Variants in CCDC73 observed in about 807,000 individuals in gnomAD.
CCDC73 encodes the protein coiled-coil domain-containing protein 73.
CCDC73 carries 95 observed loss-of-function variants against 116.5 expected under a neutral mutation model. The ratio of observed to expected loss-of-function variants is 0.82; its 90% confidence interval spans 0.69 to 0.97. The LOEUF (loss-of-function observed/expected upper bound fraction) is 0.97, where lower values mean the gene tolerates loss of function less well. CCDC73 is among the 50% of genes least tolerant of loss of function. CCDC73 has a pLI of 0.00. For missense variants in CCDC73, 1,066 were observed against 1,206.8 expected (o/e 0.88, Z 1.73); for synonymous variants, 398 against 401.3 (o/e 0.99, Z 0.10).
chr11:32,698,498 G>A (rs930806582), intron 6 of CCDC73, among the ~76,000 whole-genome samples: 1 of 152,198 alleles, frequency 6.6e-6, no homozygotes, highest in Non-Finnish European at 1.5e-5. Flanking sequence ...TGGAAAAGCT[G>A]TTTCATTATT....
chr11:32,779,943 T>C (rs886119704), intron 1 of CCDC73, among the ~76,000 whole-genome samples: 9 of 152,130 alleles, frequency 5.9e-5, no homozygotes, highest in Admixed American at 2.6e-4. Flanking sequence ...GGATTAAAAG[T>C]GAACACCTCA....
chr11:32,798,105 C>T (rs113122198), upstream of CCDC73, among the ~76,000 whole-genome samples: 1 of 152,190 alleles, frequency 6.6e-6, no homozygotes, highest in Admixed American at 6.5e-5. Flanking sequence ...GGGTCTCTAA[C>T]CCAACATATC....
chr11:32,766,129 C>T (rs1250964337), intron 1 of CCDC73, among the ~76,000 whole-genome samples: 1 of 152,150 alleles, frequency 6.6e-6, no homozygotes, highest in African/African-American at 2.4e-5. Context: ...GGGCTTCATC[C>T]CTGGAATGCA....
At chr11:32,657,005 C>A (rs1243771336) in intron 9 of CCDC73, among the ~76,000 whole-genome samples, 2 of 152,054 alleles carry the variant, frequency 1.3e-5, no homozygotes, top group East Asian at 3.9e-4. Context: ...AAAACAGGTA[C>A]TATCACATAG....
chr11:32,746,200 G>T (rs938801795), intron 2 of CCDC73, among the ~76,000 whole-genome samples: 6 of 152,182 alleles, frequency 3.9e-5, no homozygotes, highest in Non-Finnish European at 8.8e-5. Flanking sequence ...AGTTTGGCTG[G>T]ATATGAAATT....
At chr11:32,763,505 G>A (rs1850411007) in intron 1 of CCDC73, among the ~76,000 whole-genome samples, 1 of 152,230 alleles carries the variant, frequency 6.6e-6, no homozygotes, top group South Asian at 2.1e-4. Flanking sequence ...ACCTGAAAGG[G>A]TCTTGAGTGG....
chr11:32,725,447 C>T (rs1016175542), intron 2 of CCDC73, among the ~76,000 whole-genome samples: 2 of 152,090 alleles, frequency 1.3e-5, no homozygotes, highest in Admixed American at 6.6e-5. Context: ...TGGAACTTAT[C>T]CCCCACAAAA....
chr11:32,679,264 T>A (rs371230032), intron 7 of CCDC73, among the ~76,000 whole-genome samples: 1 of 152,200 alleles, frequency 6.6e-6, no homozygotes, highest in Admixed American at 6.5e-5. Context: ...AATTTCTGAT[T>A]GAGAGAATTA....
At chr11:32,683,899 G>A (rs1282178261) in intron 6 of CCDC73, among the ~76,000 whole-genome samples, 1 of 152,154 alleles carries the variant, frequency 6.6e-6, no homozygotes, top group Non-Finnish European at 1.5e-5. Context: ...GAGATAGAGA[G>A]AGCAGTCTAG....
At position 32,675,567 on chromosome 11, in the gene CCDC73, T is replaced by G; in HGVS notation, c.643A>C (p.Lys215Gln). The G allele has an allele frequency of 6.4e-7, 1 of 1,554,318 alleles. No homozygotes were observed. Among genetic ancestry groups the G allele is most frequent in the Non-Finnish European group, 8.8e-7 (1 of 1,139,990 alleles). Residue 215 changes from lysine to glutamine, a missense_variant and splice_region_variant, in exon 9 of 18, where the codon AAG (lysine) becomes CAG (glutamine). Coordinates refer to ENST00000335185, the MANE Select transcript of CCDC73 (RefSeq NM_001008391.4). ...KQEAEICSLKKELKKAASDLI... is the reference protein window; with the variant it reads ...KQEAEICSLKQELKKAASDLI... ...GTGTGAAACTGTATCAATCATACCT[T>G]CTTTAAACTGCATATTTCAGCTTCT... is the stretch of plus-strand genomic sequence containing the variant.
chr11:32,813,414 A>G, the CCDC73 span, among the ~76,000 whole-genome samples: 1 of 151,872 alleles, frequency 6.6e-6, no homozygotes, highest in Non-Finnish European at 1.5e-5. Flanking sequence ...GCATCACTAC[A>G]TGCAATGAAT....
rs1217811119 is a variant in CCDC73, at chr11:32,614,817, G to T, written c.1501C>A (p.Gln501Lys). The T allele has an allele frequency of 1.1e-5, 17 of 1,613,190 alleles. No homozygotes were observed. Among genetic ancestry groups the T allele is most frequent in the Non-Finnish European group, 1.4e-5 (17 of 1,179,532 alleles). Reference sequence around the variant, plus strand: ...CTGTTGTCCGTAACATTCGAGGTTTGTCCTTGACTAATTACTTCTTTATCT... The same window carrying T: ...CTGTTGTCCGTAACATTCGAGGTTTTTCCTTGACTAATTACTTCTTTATCT... ...SLDKEVISQGQTSNVTDNRKS... is the reference protein window; with the variant it reads ...SLDKEVISQGKTSNVTDNRKS... The change falls in exon 16 of 18, where the codon CAA (glutamine) becomes AAA (lysine). Residue 501 changes from glutamine (Q) to lysine (K), a missense_variant. Coordinates refer to ENST00000335185, the MANE Select transcript of CCDC73 (RefSeq NM_001008391.4).
chr11:32,743,713 G>C (rs968522977), intron 2 of CCDC73, among the ~76,000 whole-genome samples: 1 of 152,136 alleles, frequency 6.6e-6, no homozygotes, highest in Non-Finnish European at 1.5e-5. Context: ...CTGTTTGTCT[G>C]TTATTGGTGT....
At chr11:32,658,178 T>G (rs1855891874) in intron 9 of CCDC73, among the ~76,000 whole-genome samples, 1 of 152,212 alleles carries the variant, frequency 6.6e-6, no homozygotes, top group African/African-American at 2.4e-5. Context: ...ACTACTTTTA[T>G]CTGTGGGGTG....
At chr11:32,820,937 G>A in the CCDC73 span, among the ~76,000 whole-genome samples, 1,317 of 151,854 alleles carry the variant, frequency 8.7e-3, 6 homozygotes, top group Non-Finnish European at 0.014. Context: ...TTGCTGATTC[G>A]TTTCAGTACT....
intron 9 of CCDC73, among the ~76,000 whole-genome samples, chr11:32,658,453 CT>C (rs1456846718): frequency 6.6e-6 from 1 of 152,148 alleles, no homozygotes; most frequent in African/African-American, 2.4e-5. Context: ...ATGGAAGATG[CT>C]TGTTAAGAAG....
At chr11:32,826,541 T>C in the CCDC73 span, among the ~76,000 whole-genome samples, 29 of 151,546 alleles carry the variant, frequency 1.9e-4, no homozygotes, top group Non-Finnish European at 3.5e-4. Context: ...AGATGCATTA[T>C]CACATTAATC....
chr11:32,627,284 C>T (rs1415273551), intron 14 of CCDC73, among the ~76,000 whole-genome samples: 1 of 152,194 alleles, frequency 6.6e-6, no homozygotes, highest in African/African-American at 2.4e-5. Context: ...CATCTCACAC[C>T]AGTTAGAATG....
chr11:32,665,486 T>C (rs271019), intron 9 of CCDC73, among the ~76,000 whole-genome samples: 117,318 of 152,032 alleles, frequency 0.77, 45,554 homozygotes, highest in East Asian at 0.93. Flanking sequence ...GCAACCCCTG[T>C]CTTTTTTTGT....
Sources: gnomAD v4.1 joint callset for allele counts (sites outside exome capture counted in the v4.1 genomes callset) on GRCh38, gnomAD v4.1.1 for gene constraint, MANE v1.5 for transcripts, NCBI Gene and HGNC (gene_info 2026-07-23, HGNC 2026-07-21) for gene names.